Variants in KCNN2 observed in about 807,000 individuals in gnomAD.
The protein encoded by KCNN2 is potassium calcium-activated channel subfamily N member 2.
KCNN2 carries 24 observed loss-of-function variants against 55.5 expected under a neutral mutation model. That is an observed-to-expected ratio of 0.43 (90% CI 0.31 to 0.61). The LOEUF (loss-of-function observed/expected upper bound fraction) is 0.61, where lower values mean the gene tolerates loss of function less well. Ranked by LOEUF, KCNN2 falls within the 20% of genes least tolerant of loss-of-function variation. KCNN2 has a pLI of 0.08. For synonymous variants in KCNN2, 431 were observed against 336.1 expected (o/e 1.28, Z -3.09); for missense variants, 754 against 853.6 (o/e 0.88, Z 1.45).
At chr5:114,207,758 C>G (rs540248614) in intron 1 of KCNN2, among the ~76,000 whole-genome samples, 5 of 152,318 alleles carry the variant, frequency 3.3e-5, no homozygotes, top group African/African-American at 1.2e-4. Flanking sequence ...AAACATTAGA[C>G]TCTTTCTTAA....
rs552793181 is a variant in KCNN2 at position 114,418,691 on chromosome 5, A to C, written c.1637+13835A>C. 1.2e-3 allele frequency among the ~76,000 whole-genome samples: 188 copies of C among 152,230 alleles called. 1 individual carries two copies. The highest frequency in any genetic ancestry group is 4.4e-3 in the African/African-American group (183 of 41,550). On this transcript the variant is annotated intron_variant, in intron 3 of 7. Transcript: ENST00000673685. ...TGAGTAACCCTAAAGCAGCATTTCAACTTTCCTTTCATGAAACTGTCCATG... is the reference window on the plus strand; with the variant it reads ...TGAGTAACCCTAAAGCAGCATTTCACCTTTCCTTTCATGAAACTGTCCATG...
intron 1 of KCNN2, among the ~76,000 whole-genome samples, chr5:114,085,640 T>C (rs960791884): frequency 6.6e-6 from 1 of 152,076 alleles, no homozygotes; most frequent in Non-Finnish European, 1.5e-5. Context: ...TAAAATTTAT[T>C]GAGACATGTT....
At chr5:114,201,291 T>TTAA (rs138477828) in intron 1 of KCNN2, among the ~76,000 whole-genome samples, 63 of 151,730 alleles carry the variant, frequency 4.2e-4, no homozygotes, top group Admixed American at 9.9e-4. Context: ...ATGTGGGTTA[T>TTAA]TAATAATAAT....
intron 2 of KCNN2, among the ~76,000 whole-genome samples, chr5:114,248,979 G>T (rs950976865): frequency 6.6e-6 from 1 of 152,126 alleles, no homozygotes; most frequent in Admixed American, 6.5e-5. Context: ...GATTGTCCTG[G>T]TAAAAACTGC....
chr5:114,136,899 C>T (rs1427121839), intron 1 of KCNN2, among the ~76,000 whole-genome samples: 1 of 152,134 alleles, frequency 6.6e-6, no homozygotes, highest in Admixed American at 6.5e-5. Context: ...TAAATAAAAG[C>T]TTAGGGTTAA....
At chr5:114,192,715 A>G (rs1753475819) in intron 1 of KCNN2, among the ~76,000 whole-genome samples, 1 of 152,172 alleles carries the variant, frequency 6.6e-6, no homozygotes, top group African/African-American at 2.4e-5. Context: ...TTGAATGCTT[A>G]TATCATGAGC....
chr5:114,415,456 C>T (rs1475056986), intron 3 of KCNN2, among the ~76,000 whole-genome samples: 1 of 152,168 alleles, frequency 6.6e-6, no homozygotes, highest in Non-Finnish European at 1.5e-5. Context: ...ATTGTCATAT[C>T]TGGATATGGG....
At chr5:114,295,001 C>A (rs1755976416) in intron 2 of KCNN2, among the ~76,000 whole-genome samples, 1 of 152,172 alleles carries the variant, frequency 6.6e-6, no homozygotes, top group Admixed American at 6.5e-5. Flanking sequence ...GCAACCCCTG[C>A]CTTTTTTTGT....
chr5:114,341,128 T>C (rs897156236), intron 2 of KCNN2, among the ~76,000 whole-genome samples: 5 of 152,226 alleles, frequency 3.3e-5, no homozygotes, highest in Non-Finnish European at 5.9e-5. Context: ...GTGGCTGTTA[T>C]GAATAATGCC....
intron 1 of KCNN2, among the ~76,000 whole-genome samples, chr5:114,131,134 G>A (rs747269830): frequency 3.3e-5 from 5 of 151,818 alleles, no homozygotes; most frequent in East Asian, 1.9e-4. Flanking sequence ...ATTTTTAAAT[G>A]TTATTTTAAG....
chr5:114,258,629 A>G (rs1200473783), intron 2 of KCNN2, among the ~76,000 whole-genome samples: 1 of 152,082 alleles, frequency 6.6e-6, no homozygotes, highest in African/African-American at 2.4e-5. Flanking sequence ...TTGTGAGCAT[A>G]CAGATGCGCA....
chr5:114,436,926 T>A (rs1425870618), intron 3 of KCNN2, among the ~76,000 whole-genome samples: 1 of 152,222 alleles, frequency 6.6e-6, no homozygotes, highest in Admixed American at 6.5e-5. Flanking sequence ...TTTATTTTAT[T>A]TAATTTTACT....
rs540903120 is a variant in KCNN2 at position 114,467,521 on chromosome 5, A to G, written c.1779+4331A>G. On this transcript the variant is annotated intron_variant, in intron 4 of 7. Transcript: ENST00000673685. ...CTTTCTGGTGCGTTCACTGAATCTC[A>G]TCAGATAAAGCCCCAGTGAAGAGAG... 2.0e-5 allele frequency among the ~76,000 whole-genome samples: 3 copies of G among 152,178 alleles called. No individual in the cohort carries two copies. In the South Asian group the frequency reaches 6.2e-4, roughly 32 times the overall value.
At position 114,113,343 on chromosome 5, in the gene KCNN2, T is replaced by A. The variant is rs574445593; in HGVS notation, c.-271+56843T>A. 2.6e-5 allele frequency among the ~76,000 whole-genome samples: 4 copies of A among 152,008 alleles called. No homozygotes were observed. The South Asian group carries it at 8.3e-4, about 31-fold the overall frequency. On this transcript the variant is annotated intron_variant, in intron 1 of 10. Transcript: ENST00000512097. ...TCATGAAGTCAGATCTCGGTCTCATTATCCAAGTTAAAATCACCAAGCAAA... is the reference window on the plus strand; with the variant it reads ...TCATGAAGTCAGATCTCGGTCTCATAATCCAAGTTAAAATCACCAAGCAAA...
At chr5:114,369,597 C>T (rs1757704793) in intron 2 of KCNN2, among the ~76,000 whole-genome samples, 1 of 152,100 alleles carries the variant, frequency 6.6e-6, no homozygotes, top group African/African-American at 2.4e-5. Flanking sequence ...GAGTGGTGTT[C>T]AGCTCAGTGA....
intron 2 of KCNN2, among the ~76,000 whole-genome samples, chr5:114,372,687 C>G (rs924879385): frequency 6.6e-6 from 1 of 151,920 alleles, no homozygotes; most frequent in East Asian, 1.9e-4. Flanking sequence ...ATCTTACCAC[C>G]CAGTGATGAC....
chr5:114,071,458 A>G (rs1189141818), intron 1 of KCNN2, among the ~76,000 whole-genome samples: 1 of 152,230 alleles, frequency 6.6e-6, no homozygotes, highest in East Asian at 1.9e-4. Context: ...TGTACCATAG[A>G]TGCAGGAGAT....
chr5:114,321,831 G>A (rs560875521), intron 2 of KCNN2, among the ~76,000 whole-genome samples: 160 of 152,040 alleles, frequency 1.1e-3, no homozygotes, highest in African/African-American at 3.6e-3. Flanking sequence ...CACCATGCCC[G>A]GCTAATTTTT....
chr5:114,361,280 G>C (rs1284750952), upstream of KCNN2: 1 of 152,216 alleles, frequency 6.6e-6, no homozygotes, highest in Admixed American at 6.5e-5. Context: ...CGGCCGGGGT[G>C]CCGAGGCGGT....
Sources: allele counts gnomAD v4.1 joint callset (sites outside exome capture counted in the v4.1 genomes callset), GRCh38; gene constraint gnomAD v4.1.1; transcripts MANE v1.5; gene names NCBI Gene and HGNC (gene_info 2026-07-23, HGNC 2026-07-21).